CCSER1: variants seen among roughly 807,000 people sequenced by gnomAD.
The protein encoded by CCSER1 is serine-rich coiled-coil domain-containing protein 1.
In CCSER1, 41 loss-of-function variants were observed where a neutral mutation model predicts 82.0. The ratio of observed to expected loss-of-function variants is 0.50; its 90% confidence interval spans 0.39 to 0.65. The LOEUF is 0.65. Ranked by LOEUF, CCSER1 falls within the 30% of genes least tolerant of loss-of-function variation. CCSER1 has a pLI of 0.00. For synonymous variants in CCSER1, 414 were observed against 383.9 expected, an observed-to-expected ratio of 1.08 and a Z score of -0.92; for missense variants, 1,119 against 1,064.2, an observed-to-expected ratio of 1.05 and a Z score of -0.72.
chr4:91,070,186 CA>C (rs2148764911), intron 9 of CCSER1, among the ~76,000 whole-genome samples: 1 of 152,136 alleles, frequency 6.6e-6, no homozygotes, highest in South Asian at 2.1e-4. Context: ...GGGGTTTCAC[CA>C]TGTTGACCAG....
chr4:90,290,422 C>T (rs1197576408), intron 1 of CCSER1, among the ~76,000 whole-genome samples: 1 of 151,656 alleles, frequency 6.6e-6, no homozygotes, highest in Non-Finnish European at 1.5e-5. Flanking sequence ...TTTAGGTTTT[C>T]CTTCCAGTTT....
chr4:90,197,383 A>C (rs1210957008), intron 1 of CCSER1, among the ~76,000 whole-genome samples: 1 of 152,118 alleles, frequency 6.6e-6, no homozygotes, highest in African/African-American at 2.4e-5. Flanking sequence ...TTCCTCAAAA[A>C]ATTAAAGACT....
chr4:91,526,623 G>A (rs937150697), intron 10 of CCSER1, among the ~76,000 whole-genome samples: 1 of 152,050 alleles, frequency 6.6e-6, no homozygotes. Flanking sequence ...CTTATTTCTT[G>A]AGATGGAGTT....
At chr4:90,402,063 G>A (rs1262274078) in intron 4 of CCSER1, among the ~76,000 whole-genome samples, 1 of 152,140 alleles carries the variant, frequency 6.6e-6, no homozygotes, top group Non-Finnish European at 1.5e-5. Flanking sequence ...CATTCAAATA[G>A]TTCAAACTTT....
intron 7 of CCSER1, among the ~76,000 whole-genome samples, chr4:90,773,742 G>T (rs2149577105): frequency 6.6e-6 from 1 of 152,218 alleles, no homozygotes; most frequent in East Asian, 1.9e-4. Context: ...GGAGAGCCCA[G>T]AAATTGTAGT....
At chr4:90,502,435 T>C (rs372627924) in intron 5 of CCSER1, among the ~76,000 whole-genome samples, 9 of 152,238 alleles carry the variant, frequency 5.9e-5, no homozygotes, top group African/African-American at 1.9e-4. Context: ...TCCCTTAACA[T>C]TGGGGATTTC....
chr4:90,464,126 G>A (rs916876192), intron 4 of CCSER1, among the ~76,000 whole-genome samples: 1 of 152,096 alleles, frequency 6.6e-6, no homozygotes, highest in African/African-American at 2.4e-5. Context: ...TTTTTGTGGT[G>A]TAATAAAAGG....
intron 5 of CCSER1, among the ~76,000 whole-genome samples, chr4:90,586,890 A>G (rs1782082414): frequency 6.6e-6 from 1 of 152,218 alleles, no homozygotes; most frequent in Non-Finnish European, 1.5e-5. Flanking sequence ...CTAACTGTGA[A>G]TATGTTACCA....
intron 1 of CCSER1, among the ~76,000 whole-genome samples, chr4:90,307,193 A>G (rs918394535): frequency 6.6e-5 from 10 of 152,108 alleles, no homozygotes; most frequent in Non-Finnish European, 1.3e-4. Context: ...GTAGCAGTTG[A>G]TGAGTTGTAG....
intron 10 of CCSER1, among the ~76,000 whole-genome samples, chr4:91,370,722 A>G (rs1331539978): frequency 6.6e-6 from 1 of 152,180 alleles, no homozygotes; most frequent in Non-Finnish European, 1.5e-5. Context: ...TTTTATTTTG[A>G]ATTTGTATGG....
At chr4:90,469,524 A>AAAACACACACACACAC (rs1355308348) in intron 5 of CCSER1, among the ~76,000 whole-genome samples, 1 of 136,340 alleles carries the variant, frequency 7.3e-6, no homozygotes, top group African/African-American at 2.7e-5. Flanking sequence ...TTTCCTGCAA[A>AAAACACACACACACAC]ACACACACAC....
At chr4:90,915,491 G>C (rs899050625) in intron 8 of CCSER1, among the ~76,000 whole-genome samples, 2 of 152,026 alleles carry the variant, frequency 1.3e-5, no homozygotes, top group African/African-American at 4.8e-5. Flanking sequence ...CTCTCAATAA[G>C]TTAGGTATTG....
chr4:90,923,532 C>T (rs1728678233), intron 9 of CCSER1, 85 bp downstream of exon 9: 2 of 886,354 alleles, frequency 2.3e-6, no homozygotes, highest in East Asian at 2.7e-5. Context: ...CTGCTGTGTC[C>T]ATGCATTGAT....
intron 10 of CCSER1, among the ~76,000 whole-genome samples, chr4:91,346,284 G>T: frequency 6.6e-6 from 1 of 152,000 alleles, no homozygotes; most frequent in South Asian, 2.1e-4. Context: ...CAAAGTGCTG[G>T]GATTACAGGT....
intron 10 of CCSER1, among the ~76,000 whole-genome samples, chr4:91,335,280 T>C (rs542206161): frequency 1.2e-4 from 19 of 152,178 alleles, no homozygotes; most frequent in African/African-American, 4.3e-4. Flanking sequence ...CCAGTGAACT[T>C]GCCCACGCTA....
chr4:90,428,795 A>G (rs1408719257), intron 4 of CCSER1, among the ~76,000 whole-genome samples: 3 of 151,846 alleles, frequency 2.0e-5, no homozygotes, highest in Non-Finnish European at 2.9e-5. Context: ...TATTAAGTAA[A>G]CATTATGAAC....
intron 10 of CCSER1, among the ~76,000 whole-genome samples, chr4:91,364,196 G>T (rs1749451650): frequency 6.6e-6 from 1 of 151,984 alleles, no homozygotes; most frequent in South Asian, 2.1e-4. Context: ...GTTCAACTTT[G>T]TTTTAAATAG....
rs10712693 is a variant in CCSER1 at position 91,013,779 on chromosome 4, A to AT, written c.2173-72156dup. Among the ~76,000 whole-genome samples the AT allele has an allele frequency of 8.0e-3, 835 of 104,570 alleles. 61 individuals carry two copies. Among genetic ancestry groups the AT allele is most frequent in the South Asian group, 0.026 (80 of 3,110 alleles). The allele number at this position is 104,570 out of a possible 152,430, so 68.6% of individuals were successfully genotyped here. On this transcript the variant is annotated intron_variant, in intron 9 of 10. Transcript: ENST00000509176. Reference sequence around the variant, plus strand: ...CACCACGCCCAGCTATTGTTTTTGTATTTTTTTTTTTTTTTGTATTTTTAG... The same window carrying AT: ...CACCACGCCCAGCTATTGTTTTTGTATTTTTTTTTTTTTTTTGTATTTTTAG...
intron 5 of CCSER1, among the ~76,000 whole-genome samples, chr4:90,484,795 T>C (rs1766721528): frequency 6.6e-5 from 10 of 151,910 alleles, no homozygotes; most frequent in Admixed American, 6.6e-4. Flanking sequence ...TACTGGGGGG[T>C]TCCTCCCAGT....
Sources: allele counts gnomAD v4.1 joint callset (sites outside exome capture counted in the v4.1 genomes callset), GRCh38; gene constraint gnomAD v4.1.1; transcripts MANE v1.5; gene names NCBI Gene and HGNC (gene_info 2026-07-23, HGNC 2026-07-21).